Variants in ESRRB observed in about 807,000 individuals in gnomAD.
The protein encoded by ESRRB is estrogen related receptor beta.
A neutral mutation model predicts 46.0 loss-of-function variants in ESRRB; 16 were observed. The ratio of observed to expected loss-of-function variants is 0.35; its 90% CI spans 0.24 to 0.53. ESRRB has a LOEUF of 0.53. Among genes scored for constraint, ESRRB ranks in the 20% least tolerant of loss-of-function variants. ESRRB has a pLI of 0.93. For missense variants in ESRRB, 488 were observed against 607.4 expected (o/e 0.80, Z 2.07); for synonymous variants, 246 against 259.6 (o/e 0.95, Z 0.50).
rs746427886 is a variant in ESRRB at position 76,498,347 on chromosome 14, G to A, written c.1254G>A (p.Pro418=). ...WRTGKLLLTL[P]LLRQTAAKAV... ...CGGGCAAGCTGCTGCTGACACTGCC[G>A]CTGCTGCGGCAGACGGCCGCCAAGG... The change falls in exon 7 of 7, where the codon CCG becomes CCA. Residue 418 remains proline (P), a synonymous_variant. Transcript: ENST00000644823. The A allele has an allele frequency of 3.7e-6, 6 of 1,611,920 alleles. No individual in the cohort carries two copies. The East Asian group carries it at 6.7e-5, about 18-fold the overall frequency.
chr14:76,401,945 G>A (rs1377064725), intron 1 of ESRRB, among the ~76,000 whole-genome samples: 1 of 152,214 alleles, frequency 6.6e-6, no homozygotes, highest in Non-Finnish European at 1.5e-5. Context: ...GGAGACCCAG[G>A]AGAGCTGACA....
At chr14:76,474,353 A>C (rs1421467750) in intron 3 of ESRRB, among the ~76,000 whole-genome samples, 3 of 152,194 alleles carry the variant, frequency 2.0e-5, no homozygotes, top group African/African-American at 7.2e-5. Flanking sequence ...AATTCCACTA[A>C]CCTGAGAAAG....
intron 6 of ESRRB, among the ~76,000 whole-genome samples, chr14:76,495,755 TA>T (rs760439774): frequency 5.3e-5 from 8 of 152,100 alleles, no homozygotes; most frequent in African/African-American, 1.9e-4. Context: ...AATAAATTAT[TA>T]AAAAAATGAA....
chr14:76,420,253 A>G (rs1886884205), intron 1 of ESRRB, among the ~76,000 whole-genome samples: 1 of 152,046 alleles, frequency 6.6e-6, no homozygotes, highest in South Asian at 2.1e-4. Context: ...TGTTTCATGT[A>G]TCTTCAGGCC....
At chr14:76,442,680 C>G (rs187705970) in intron 2 of ESRRB, among the ~76,000 whole-genome samples, 1 of 151,810 alleles carries the variant, frequency 6.6e-6, no homozygotes, top group Non-Finnish European at 1.5e-5. Context: ...ATGAAAACAA[C>G]GGACACATTT....
intron 1 of ESRRB, among the ~76,000 whole-genome samples, chr14:76,350,401 C>T (rs552577644): frequency 1.3e-5 from 2 of 152,270 alleles, no homozygotes; most frequent in South Asian, 4.2e-4. Flanking sequence ...GGACATATGC[C>T]TGCGAATGTT....
At chr14:76,366,081 C>A (rs990732186) in intron 1 of ESRRB, among the ~76,000 whole-genome samples, 1 of 152,128 alleles carries the variant, frequency 6.6e-6, no homozygotes, top group South Asian at 2.1e-4. Context: ...GCAAGCCTCT[C>A]CCCTACCTTC....
upstream of ESRRB, among the ~76,000 whole-genome samples, chr14:76,375,615 T>G (rs1211487516): frequency 6.6e-6 from 1 of 152,164 alleles, no homozygotes; most frequent in Non-Finnish European, 1.5e-5. Context: ...GGGAAGGGAA[T>G]CTGTTTCTCT....
chr14:76,459,641 T>C lies in ESRRB; in HGVS notation c.461-2904T>C, dbSNP rs565282970. On this transcript the variant is annotated intron_variant, in intron 2 of 6. Transcript: ENST00000644823. ...GCTTGAATGAATTAGCTTTCATATG[T>C]GTTTTTCTCCTTTCTGTTTGTCTTT... Among the ~76,000 whole-genome samples, 141 of 152,316 alleles carry C rather than the reference T, an allele frequency of 9.3e-4. 1 individual carries two copies. The highest frequency in any genetic ancestry group is 3.2e-3 in the African/African-American group (135 of 41,564).
intron 1 of ESRRB, among the ~76,000 whole-genome samples, chr14:76,361,748 C>G (rs1192635408): frequency 5.3e-5 from 8 of 152,188 alleles, no homozygotes; most frequent in Non-Finnish European, 1.2e-4. Flanking sequence ...AACTATGTGG[C>G]CTTAGCCCTG....
chr14:76,497,320 AAC>A (rs1890470887), intron 6 of ESRRB, among the ~76,000 whole-genome samples: 1 of 152,062 alleles, frequency 6.6e-6, no homozygotes, highest in Admixed American at 6.5e-5. Context: ...CCACAGGAAT[AAC>A]ACTACCTGAC....
chr14:76,371,817 T>C (rs1344492187), upstream of ESRRB, among the ~76,000 whole-genome samples: 1 of 152,182 alleles, frequency 6.6e-6, no homozygotes. Context: ...GGGACCAAGC[T>C]GGCTCCACCA....
chr14:76,448,807 G>T (rs1218347600), intron 2 of ESRRB, among the ~76,000 whole-genome samples: 1 of 152,084 alleles, frequency 6.6e-6, no homozygotes, highest in Non-Finnish European at 1.5e-5. Flanking sequence ...AACTTTAAGG[G>T]ATCTAGGTAA....
At chr14:76,321,527 G>A (rs1883867256) in intron 1 of ESRRB, among the ~76,000 whole-genome samples, 1 of 152,170 alleles carries the variant, frequency 6.6e-6, no homozygotes, top group African/African-American at 2.4e-5. Flanking sequence ...CTCTCCTTGT[G>A]TTAACTGTAC....
chr14:76,368,523 G>A (rs1266610520), upstream of ESRRB, among the ~76,000 whole-genome samples: 2 of 152,062 alleles, frequency 1.3e-5, no homozygotes, highest in African/African-American at 2.4e-5. Flanking sequence ...CTCAGCTGAG[G>A]GTCACTGCTG....
At chr14:76,441,174 TCTC>T (rs1476841029) in intron 2 of ESRRB, among the ~76,000 whole-genome samples, 21 of 152,198 alleles carry the variant, frequency 1.4e-4, no homozygotes, top group Admixed American at 3.3e-4. Context: ...CATCTCAGCT[TCTC>T]AAGTAGCTAG....
intron 2 of ESRRB, among the ~76,000 whole-genome samples, chr14:76,440,074 T>C (rs1241978638): frequency 2.6e-5 from 4 of 152,158 alleles, no homozygotes; most frequent in Non-Finnish European, 5.9e-5. Context: ...TGTGTGTCCC[T>C]CAAAAAGTTT....
intron 1 of ESRRB, among the ~76,000 whole-genome samples, chr14:76,396,927 C>T (rs1885711177): frequency 6.6e-6 from 1 of 152,232 alleles, no homozygotes; most frequent in South Asian, 2.1e-4. Context: ...ATCGTGACTA[C>T]CCGAGTGGGT....
intron 1 of ESRRB, among the ~76,000 whole-genome samples, chr14:76,384,007 C>A (rs1191551230): frequency 6.6e-6 from 1 of 152,068 alleles, no homozygotes; most frequent in Non-Finnish European, 1.5e-5. Context: ...ATCTCACCGC[C>A]TATGCTTGGA....
Sources: allele counts gnomAD v4.1 joint callset (sites outside exome capture counted in the v4.1 genomes callset), GRCh38; gene constraint gnomAD v4.1.1; transcripts MANE v1.5; gene names NCBI Gene and HGNC (gene_info 2026-07-23, HGNC 2026-07-21).